PBX1: variants seen among roughly 807,000 people sequenced by gnomAD.
PBX1 encodes the protein PBX homeobox 1.
A neutral mutation model predicts 53.4 loss-of-function variants in PBX1; 6 were observed. The ratio of observed to expected loss-of-function variants is 0.11; its 90% confidence interval spans 0.06 to 0.22. PBX1 has a LOEUF of 0.22. Ranked by LOEUF, PBX1 falls within the 10% of genes least tolerant of loss-of-function variation. The pLI is 1.00. For missense variants in PBX1, 251 were observed against 551.4 expected, an observed-to-expected ratio of 0.46 and a Z score of 5.46; for synonymous variants, 204 against 212.3, an observed-to-expected ratio of 0.96 and a Z score of 0.34.
chr1:164,666,121 G>A lies in PBX1; in HGVS notation c.265+102810G>A, dbSNP rs183273045. Among the ~76,000 whole-genome samples the A allele has an allele frequency of 1.5e-3, 226 of 152,270 alleles. 2 individuals are homozygous for A. The highest frequency in any genetic ancestry group is 1.7e-3 in the Non-Finnish European group (114 of 68,030). On this transcript the variant is annotated intron_variant, in intron 2 of 8. Transcript: ENST00000420696. ...ATACGGGATGTGACTCCTGGGTACC[G>A]TTCACTATTCCCACGAATCCCTCAC...
rs201405182 is a variant in PBX1, at chr1:164,580,768, G to A, written c.265+17457G>A. On this transcript the variant is annotated intron_variant, in intron 2 of 8. Transcript: ENST00000420696. ...ATTTTTTTGTGTTTTTAGTAGAGAC[G>A]GGGTTTCACCATGTTGGCCAGGCTG... 7.3e-5 allele frequency among the ~76,000 whole-genome samples: 11 copies of A among 150,558 alleles called. No individual in the cohort carries two copies. In the East Asian group the frequency reaches 9.9e-4, roughly 14 times the overall value.
In PBX1 at chr1:164,817,372, C is replaced by T. The variant is rs146464151; in HGVS notation, c.998-2700C>T. 5.9e-5 allele frequency: 9 copies of T among 152,296 alleles called. No homozygotes were observed. In the South Asian group the frequency reaches 6.2e-4, roughly 11 times the overall value. 9.4% of individuals were successfully genotyped at this position (152,296 alleles called of 1,614,324 possible). ...GTGCTGGGTAGAGAACATGTCCTCC[C>T]CTTGTAGTTCAGATGTTTTTGTGGA... On this transcript the variant is annotated intron_variant, in intron 6 of 8. Coordinates refer to ENST00000420696, the MANE Select transcript of PBX1 (RefSeq NM_002585.4).
chr1:164,825,909 A>G (rs2102376845), intron 8 of PBX1, among the ~76,000 whole-genome samples: 1 of 143,814 alleles, frequency 7.0e-6, no homozygotes, highest in East Asian at 2.0e-4. Flanking sequence ...GCATGTAGCA[A>G]CATAACATTG....
chr1:164,848,832 G>T lies in PBX1; in HGVS notation c.*2156G>T. On this transcript the variant is annotated 3_prime_UTR_variant, in exon 9 of 9. Coordinates refer to ENST00000420696, the MANE Select transcript of PBX1 (RefSeq NM_002585.4). ...ACTACAGTCATAAATAGAAAACACT[G>T]TGTGTGCTCAGGGGAGCAGGGGATG... 2 of 1,064,460 alleles carry T rather than the reference G, an allele frequency of 1.9e-6. No individual in the cohort carries two copies. The highest frequency in any genetic ancestry group is 9.1e-5 in the South Asian group (2 of 22,014). 65.9% of individuals were successfully genotyped at this position (1,064,460 alleles called of 1,614,324 possible).
intron 2 of PBX1, among the ~76,000 whole-genome samples, chr1:164,610,630 G>T (rs190857582): frequency 6.6e-6 from 1 of 152,120 alleles, no homozygotes; most frequent in African/African-American, 2.4e-5. Context: ...AGCTACAAGC[G>T]ATCGGTTCTG....
intron 2 of PBX1, among the ~76,000 whole-genome samples, chr1:164,705,708 C>T (rs1181526621): frequency 1.3e-5 from 2 of 152,278 alleles, no homozygotes; most frequent in Middle Eastern, 3.4e-3. Context: ...AGTATGAAGA[C>T]AATTTTGATT....
In PBX1 at chr1:164,574,849, G is replaced by A. The variant is rs149562970; in HGVS notation, c.265+11538G>A. On this transcript the variant is annotated intron_variant, in intron 2 of 8. Coordinates refer to ENST00000420696, the MANE Select transcript of PBX1 (RefSeq NM_002585.4). ...ATACAAAAATTAGCTGGGTGTGGTG[G>A]TGGGCACCTGTAACCCCAACTACTT... Among the ~76,000 whole-genome samples the A allele has an allele frequency of 9.5e-3, 1,452 of 152,280 alleles. 11 individuals are homozygous for A. The highest frequency in any genetic ancestry group is 0.041 in the Middle Eastern group (12 of 294).
intron 2 of PBX1, among the ~76,000 whole-genome samples, chr1:164,666,035 A>AT (rs1206180825): frequency 6.6e-6 from 1 of 152,128 alleles, no homozygotes; most frequent in African/African-American, 2.4e-5. Flanking sequence ...TCGGTATGGG[A>AT]TTCTCAGTGT....
intron 2 of PBX1, among the ~76,000 whole-genome samples, chr1:164,676,904 G>A (rs1315083410): frequency 1.3e-5 from 2 of 152,052 alleles, no homozygotes; most frequent in Non-Finnish European, 2.9e-5. Flanking sequence ...TAAGACTAAT[G>A]TGTCAGGCTC....
rs545234094 is a variant in PBX1, at chr1:164,717,643, A to G, written c.266-74851A>G. ...CAGACACACCCCTGACACATCCTCAACATGGACCAAGACCTCATTTCCAAT... is the reference window on the plus strand; with the variant it reads ...CAGACACACCCCTGACACATCCTCAGCATGGACCAAGACCTCATTTCCAAT... On this transcript the variant is annotated intron_variant, in intron 2 of 8. Transcript: ENST00000420696. Among the ~76,000 whole-genome samples the G allele has an allele frequency of 1.3e-4, 20 of 152,354 alleles. No homozygotes were observed. The South Asian group carries it at 3.7e-3, about 28-fold the overall frequency.
chr1:164,839,045 C>T (rs1046028169), intron 8 of PBX1, among the ~76,000 whole-genome samples: 1 of 152,174 alleles, frequency 6.6e-6, no homozygotes, highest in African/African-American at 2.4e-5. Context: ...TACCACTGTT[C>T]TCCCCTGTTC....
In PBX1 at chr1:164,863,381, CAT is replaced by C. The variant is rs370372726; in HGVS notation, n.257+31899_257+31900del. Among the ~76,000 whole-genome samples the C allele has an allele frequency of 3.1e-3, 473 of 152,288 alleles. 6 individuals are homozygous for C. The highest frequency in any genetic ancestry group is 0.027 in the South Asian group (130 of 4,824). ...AAAGGTATTGTTCCTCTAATCAACA[CAT>C]GTTTCCCGAGAGCCTACTGTGAACC... On this transcript the variant is annotated intron_variant and non_coding_transcript_variant, in intron 2 of 2. Coordinates refer to the PBX1 transcript ENST00000558796.
intron 2 of PBX1, among the ~76,000 whole-genome samples, chr1:164,741,803 G>A (rs951114633): frequency 4.0e-5 from 6 of 149,962 alleles, no homozygotes; most frequent in Admixed American, 6.6e-5. Flanking sequence ...ACTGAAGCCC[G>A]ATGAAGTACT....
chr1:164,799,585 G>T (rs1009955485), intron 3 of PBX1, 114 bp from the exon 4 acceptor site: 1 of 900,244 alleles, frequency 1.1e-6, no homozygotes, highest in Non-Finnish European at 1.7e-6. Context: ...AACTATCCTA[G>T]TTTTCTTTAT....
intron 8 of PBX1, among the ~76,000 whole-genome samples, chr1:164,834,027 A>G (rs76784566): frequency 6.3e-5 from 5 of 79,268 alleles, no homozygotes; most frequent in African/African-American, 2.1e-4. Context: ...ATATATATGT[A>G]TATGTGTGTG....
chr1:164,719,573 G>A (rs540905224), intron 2 of PBX1, among the ~76,000 whole-genome samples: 14 of 152,230 alleles, frequency 9.2e-5, no homozygotes, highest in African/African-American at 2.2e-4. Flanking sequence ...TTCTGGATAC[G>A]GGGAGGCGCA....
chr1:164,870,471 A>G (rs757306181), intron 2 of PBX1, among the ~76,000 whole-genome samples: 1 of 151,806 alleles, frequency 6.6e-6, no homozygotes. Context: ...CAGTCTCCCA[A>G]GTAATGGGAT....
At chr1:164,870,926 T>C (rs557808354) in intron 2 of PBX1, among the ~76,000 whole-genome samples, 41 of 152,270 alleles carry the variant, frequency 2.7e-4, no homozygotes, top group African/African-American at 8.9e-4. Flanking sequence ...TACTCCTCTA[T>C]GGGAGTCTTA....
chr1:164,722,240 C>T (rs1229507551), intron 2 of PBX1, among the ~76,000 whole-genome samples: 1 of 152,064 alleles, frequency 6.6e-6, no homozygotes, highest in Non-Finnish European at 1.5e-5. Context: ...GGCACCTTTC[C>T]CATTTGGATC....
Sources: allele counts gnomAD v4.1 joint callset (sites outside exome capture counted in the v4.1 genomes callset), GRCh38; gene constraint gnomAD v4.1.1; transcripts MANE v1.5; gene names NCBI Gene and HGNC (gene_info 2026-07-23, HGNC 2026-07-21).